RPS6KC1: variants seen among roughly 807,000 people sequenced by gnomAD.
RPS6KC1 encodes inactive ribosomal protein S6 kinase delta-1.
Under a neutral mutation model 103.8 loss-of-function variants are expected in RPS6KC1, and 54 were observed. The ratio of observed to expected loss-of-function variants is 0.52; its 90% confidence interval spans 0.42 to 0.65. The LOEUF is 0.65. Ranked by LOEUF, RPS6KC1 falls within the 30% of genes least tolerant of loss-of-function variation. RPS6KC1 has a pLI of 0.00. For synonymous variants in RPS6KC1, 439 were observed against 438.7 expected, an observed-to-expected ratio of 1.00 and a Z score of -0.01; for missense variants, 1,151 against 1,253.8, an observed-to-expected ratio of 0.92 and a Z score of 1.24.
At chr1:213,509,267 C>A in the RPS6KC1 span, among the ~76,000 whole-genome samples, 1 of 151,998 alleles carries the variant, frequency 6.6e-6, no homozygotes, top group Non-Finnish European at 1.5e-5. Context: ...AAAAACTAGC[C>A]CCTTGGGGGT....
At chr1:213,164,251 T>A (rs1227528410) in intron 6 of RPS6KC1, among the ~76,000 whole-genome samples, 2 of 152,214 alleles carry the variant, frequency 1.3e-5, no homozygotes, top group Non-Finnish European at 2.9e-5. Context: ...ATTTCTGGAT[T>A]CCGTTATCTG....
the RPS6KC1 span, among the ~76,000 whole-genome samples, chr1:213,549,683 C>G: frequency 6.9e-6 from 1 of 144,036 alleles, no homozygotes; most frequent in African/African-American, 2.7e-5. Flanking sequence ...CTAACAACAT[C>G]CCCTGTCCAT....
At chr1:213,389,612 C>T in the RPS6KC1 span, among the ~76,000 whole-genome samples, 56 of 152,326 alleles carry the variant, frequency 3.7e-4, no homozygotes, top group Non-Finnish European at 5.4e-4. Flanking sequence ...ACCCCCGAGG[C>T]CCGGGCTCCA....
chr1:213,465,419 T>G, the RPS6KC1 span, among the ~76,000 whole-genome samples: 1 of 151,932 alleles, frequency 6.6e-6, no homozygotes, highest in Non-Finnish European at 1.5e-5. Context: ...GCATACACAT[T>G]TTCAGTTTCA....
At chr1:213,692,377 A>G in the RPS6KC1 span, among the ~76,000 whole-genome samples, 2 of 138,616 alleles carry the variant, frequency 1.4e-5, no homozygotes, top group African/African-American at 5.3e-5. Context: ...CCTGGGAGTG[A>G]GACTCTGTCT....
At chr1:213,140,576 C>T (rs2086897572) in intron 6 of RPS6KC1, among the ~76,000 whole-genome samples, 1 of 152,098 alleles carries the variant, frequency 6.6e-6, no homozygotes, top group Non-Finnish European at 1.5e-5. Flanking sequence ...ACAGCCTTTT[C>T]TGTGTCTATT....
chr1:213,066,594 A>G (rs938025548), intron 1 of RPS6KC1, among the ~76,000 whole-genome samples: 2 of 152,208 alleles, frequency 1.3e-5, no homozygotes, highest in Non-Finnish European at 2.9e-5. Context: ...TGCTTGTCAC[A>G]CAGAAAGCAA....
At chr1:213,139,540 A>T (rs1029412713) in intron 6 of RPS6KC1, among the ~76,000 whole-genome samples, 2 of 152,032 alleles carry the variant, frequency 1.3e-5, no homozygotes, top group Non-Finnish European at 2.9e-5. Context: ...GTAGGAGTCC[A>T]TTTCCAATCT....
At chr1:213,739,846 G>A in the RPS6KC1 span, among the ~76,000 whole-genome samples, 1 of 152,104 alleles carries the variant, frequency 6.6e-6, no homozygotes. Flanking sequence ...TGCCCCCCGT[G>A]CTCTATTGTA....
At chr1:213,543,616 G>A in the RPS6KC1 span, among the ~76,000 whole-genome samples, 1 of 152,142 alleles carries the variant, frequency 6.6e-6, no homozygotes, top group Non-Finnish European at 1.5e-5. Context: ...CAGGATAAAC[G>A]CGGATTTATT....
the RPS6KC1 span, among the ~76,000 whole-genome samples, chr1:213,435,617 C>G: frequency 6.6e-6 from 1 of 152,198 alleles, no homozygotes; most frequent in Admixed American, 6.5e-5. Context: ...TGTGAGTACT[C>G]TACCTGATGC....
the RPS6KC1 span, among the ~76,000 whole-genome samples, chr1:213,602,186 C>CTTTCTTT: frequency 1.1e-5 from 1 of 94,110 alleles, no homozygotes; most frequent in Non-Finnish European, 2.0e-5. Flanking sequence ...TTCTTTCTTT[C>CTTTCTTT]TTTTTCCCTC....
chr1:213,139,965 T>C (rs554058859), intron 6 of RPS6KC1, among the ~76,000 whole-genome samples: 2 of 152,222 alleles, frequency 1.3e-5, no homozygotes, highest in Non-Finnish European at 2.9e-5. Flanking sequence ...CTGACTCTTT[T>C]ATCCATGAGC....
chr1:213,772,125 G>A, the RPS6KC1 span, among the ~76,000 whole-genome samples: 1 of 152,164 alleles, frequency 6.6e-6, no homozygotes, highest in African/African-American at 2.4e-5. Flanking sequence ...TTAAGTTGGA[G>A]GAAATTATGA....
intron 4 of RPS6KC1, among the ~76,000 whole-genome samples, chr1:213,108,780 C>T (rs2082730025): frequency 6.6e-6 from 1 of 151,712 alleles, no homozygotes; most frequent in Admixed American, 6.6e-5. Context: ...CTCAGCCTCC[C>T]AAGTAACTGG....
chr1:213,824,696 G>A, the RPS6KC1 span, among the ~76,000 whole-genome samples: 5,558 of 152,222 alleles, frequency 0.037, 173 homozygotes, highest in South Asian at 0.099. Context: ...CCCTGCGCAA[G>A]CTCTCTCTTT....
At chr1:213,134,859 A>G (rs1382523442) in intron 6 of RPS6KC1, among the ~76,000 whole-genome samples, 4 of 152,158 alleles carry the variant, frequency 2.6e-5, no homozygotes, top group Non-Finnish European at 5.9e-5. Flanking sequence ...GTATAAGATT[A>G]TAATTCTGAG....
At chr1:213,554,038 C>A in the RPS6KC1 span, among the ~76,000 whole-genome samples, 1 of 152,042 alleles carries the variant, frequency 6.6e-6, no homozygotes, top group African/African-American at 2.4e-5. Context: ...TTAGGCCCCA[C>A]CTGTTAATGT....
At chr1:213,359,385 C>CT in the RPS6KC1 span, among the ~76,000 whole-genome samples, 2 of 151,968 alleles carry the variant, frequency 1.3e-5, no homozygotes, top group Non-Finnish European at 2.9e-5. Flanking sequence ...CAACCCTTGC[C>CT]TTTTTTTGTT....
Sources: allele counts gnomAD v4.1 joint callset (sites outside exome capture counted in the v4.1 genomes callset), GRCh38; gene constraint gnomAD v4.1.1; transcripts MANE v1.5; gene names NCBI Gene and HGNC (gene_info 2026-07-23, HGNC 2026-07-21).